The following TDRD5 variants were observed in gnomAD, a reference collection of about 807,000 sequenced individuals.
TDRD5 encodes the protein tudor domain-containing protein 5.
In TDRD5, 41 loss-of-function variants were observed where a neutral mutation model predicts 120.6. The observed-to-expected ratio is 0.34, with a 90% CI of 0.26 to 0.44. TDRD5 has a LOEUF of 0.44. Among genes scored for constraint, TDRD5 ranks in the 20% least tolerant of loss-of-function variants. TDRD5 has a pLI of 1.00. For synonymous variants in TDRD5, 430 were observed against 433.7 expected (o/e 0.99, Z 0.11); for missense variants, 1,006 against 1,221.2 (o/e 0.82, Z 2.63).
chr1:179,681,044 C>T lies in TDRD5; in HGVS notation c.2861-9652C>T, dbSNP rs142509673. 4.9e-3 allele frequency among the ~76,000 whole-genome samples: 741 copies of T among 151,212 alleles called. 10 individuals are homozygous for T. Among genetic ancestry groups the T allele is most frequent in the Admixed American group, 3.5e-3 (52 of 15,040 alleles). ...GTCAAGATTGATAAAAATGCAAAAC[C>T]GCACCACGTGTTTACAAAATTTTAT... On this transcript the variant is annotated intron_variant, in intron 17 of 17. Coordinates refer to ENST00000444136, the MANE Select transcript of TDRD5 (RefSeq NM_001199085.3).
chr1:179,669,442 A>G, intron 17 of TDRD5, 38 bp downstream of exon 17: 1 of 1,608,824 alleles, frequency 6.2e-7, no homozygotes, highest in Non-Finnish European at 8.5e-7. Context: ...CACAGTTGAC[A>G]AACATGATGG....
chr1:179,666,232 A>G (rs1050767354), intron 16 of TDRD5, among the ~76,000 whole-genome samples: 21 of 152,202 alleles, frequency 1.4e-4, no homozygotes, highest in Admixed American at 1.4e-3. Context: ...CTAAACACAT[A>G]CATGAGAACA....
At chr1:179,667,913 T>C (rs959230188) in intron 16 of TDRD5, among the ~76,000 whole-genome samples, 8 of 152,210 alleles carry the variant, frequency 5.3e-5, no homozygotes, top group Non-Finnish European at 7.3e-5. Flanking sequence ...TGATATTAAA[T>C]GTGTGATGCA....
chr1:179,618,452 A>G (rs1558382796), intron 4 of TDRD5, 147 bp from the exon 5 acceptor site: 2 of 490,234 alleles, frequency 4.1e-6, no homozygotes, highest in Non-Finnish European at 7.2e-6. Context: ...ATGAAATGCT[A>G]CAGTTCCTCT....
chr1:179,621,730 A>G (rs1385825710), intron 6 of TDRD5, among the ~76,000 whole-genome samples: 3 of 152,218 alleles, frequency 2.0e-5, no homozygotes, highest in Non-Finnish European at 4.4e-5. Flanking sequence ...AATTCAGATA[A>G]TGCCATATAT....
chr1:179,658,717 A>G (rs1459206278), intron 14 of TDRD5, among the ~76,000 whole-genome samples: 3 of 152,068 alleles, frequency 2.0e-5, no homozygotes, highest in African/African-American at 4.8e-5. Flanking sequence ...TGAACTTCCC[A>G]TTCCTAGAGA....
intron 11 of TDRD5, among the ~76,000 whole-genome samples, chr1:179,642,691 C>T (rs1678120019): frequency 1.3e-5 from 2 of 152,178 alleles, no homozygotes; most frequent in African/African-American, 2.4e-5. Flanking sequence ...ATCTTGTTCA[C>T]CACTGAATCT....
chr1:179,636,974 A>C (rs921715406), intron 9 of TDRD5, among the ~76,000 whole-genome samples: 2 of 152,222 alleles, frequency 1.3e-5, no homozygotes, highest in African/African-American at 2.4e-5. Flanking sequence ...TTTGTGGACT[A>C]TACTTTGAGA....
At chr1:179,660,305 T>C (rs2102093795) in intron 14 of TDRD5, among the ~76,000 whole-genome samples, 1 of 141,258 alleles carries the variant, frequency 7.1e-6, no homozygotes, top group African/African-American at 2.6e-5. Flanking sequence ...CTGCAAGCTC[T>C]GCCTCTCAGG....
intron 17 of TDRD5, among the ~76,000 whole-genome samples, chr1:179,679,585 C>T (rs1278988887): frequency 1.3e-5 from 2 of 152,020 alleles, no homozygotes; most frequent in Non-Finnish European, 2.9e-5. Context: ...CTCAAGTAAA[C>T]TTTGGTAGTT....
rs367703698 is a variant in TDRD5, at chr1:179,639,871, G to C, written c.1553G>C (p.Arg518Pro). ...TATTCTAATCAGCTGGTTTCTGATC[G>C]ATATGTCATGCCAGAATGTTTTATT... ...RCYSNQLVSD[R>P]YVMPECFIQP... Residue 518 changes from arginine (R) to proline (P), a missense_variant, in exon 10 of 18, where the codon CGA (arginine) becomes CCA (proline). Physicochemically the swap from Arg to Pro is moderately radical, Grantham distance 103. Transcript: ENST00000444136. The C allele has an allele frequency of 4.3e-6, 7 of 1,613,824 alleles. No individual in the cohort carries two copies. Among genetic ancestry groups the C allele is most frequent in the Non-Finnish European group, 5.9e-6 (7 of 1,179,992 alleles).
At chr1:179,655,160 G>T (rs2102074000) in intron 14 of TDRD5, among the ~76,000 whole-genome samples, 1 of 152,074 alleles carries the variant, frequency 6.6e-6, no homozygotes, top group Non-Finnish European at 1.5e-5. Context: ...GTTGTTATTT[G>T]TTATTTCCTG....
At chr1:179,683,148 C>T (rs886675966) in intron 17 of TDRD5, among the ~76,000 whole-genome samples, 12 of 152,180 alleles carry the variant, frequency 7.9e-5, no homozygotes, top group African/African-American at 2.7e-4. Flanking sequence ...CTGGATTCCT[C>T]CTTCTCATAC....
intron 4 of TDRD5, among the ~76,000 whole-genome samples, chr1:179,597,265 G>A (rs1425697998): frequency 2.7e-5 from 4 of 149,790 alleles, no homozygotes; most frequent in African/African-American, 7.4e-5. Flanking sequence ...AATCCTGTCT[G>A]TTGTGGAAAA....
At chr1:179,653,257 TA>T (rs1678817001) in intron 13 of TDRD5, among the ~76,000 whole-genome samples, 2 of 152,214 alleles carry the variant, frequency 1.3e-5, no homozygotes, top group Admixed American at 1.3e-4. Context: ...TTTCTTTGAA[TA>T]AAATGTAAAA....
chr1:179,674,682 G>A (rs1414658914), intron 17 of TDRD5, among the ~76,000 whole-genome samples: 1 of 151,994 alleles, frequency 6.6e-6, no homozygotes, highest in Non-Finnish European at 1.5e-5. Context: ...GACTTTTTTT[G>A]TTGACAGTTT....
chr1:179,670,533 A>G (rs996628423), intron 17 of TDRD5, among the ~76,000 whole-genome samples: 1 of 152,238 alleles, frequency 6.6e-6, no homozygotes, highest in African/African-American at 2.4e-5. Flanking sequence ...CCAGCAAGGA[A>G]TAAAAGTTCC....
intron 9 of TDRD5, among the ~76,000 whole-genome samples, chr1:179,636,882 C>T (rs1677792117): frequency 6.6e-6 from 1 of 152,128 alleles, no homozygotes; most frequent in Non-Finnish European, 1.5e-5. Flanking sequence ...ATGTCAAATA[C>T]CCAAGTCAGC....
At chr1:179,653,161 G>A (rs769574883) in intron 13 of TDRD5, among the ~76,000 whole-genome samples, 8 of 152,114 alleles carry the variant, frequency 5.3e-5, no homozygotes, top group Non-Finnish European at 1.2e-4. Context: ...TATTCCTCAC[G>A]ACAACAGATA....
Sources: gnomAD v4.1 joint callset for allele counts (sites outside exome capture counted in the v4.1 genomes callset) on GRCh38, gnomAD v4.1.1 for gene constraint, MANE v1.5 for transcripts, NCBI Gene and HGNC (gene_info 2026-07-23, HGNC 2026-07-21) for gene names.